The following CEP85 variants were observed in gnomAD, a reference collection of about 807,000 sequenced individuals.
The protein encoded by CEP85 is centrosomal protein of 85 kDa.
CEP85 carries 58 observed loss-of-function variants against 93.7 expected under a neutral mutation model. The observed-to-expected ratio is 0.62, with a 90% CI of 0.50 to 0.77. The LOEUF (loss-of-function observed/expected upper bound fraction) is 0.77. CEP85 is among the 30% of genes least tolerant of loss of function. The pLI, the probability that CEP85 is intolerant of heterozygous loss-of-function variation, is 0.00. For synonymous variants in CEP85, 314 were observed against 338.6 expected, an observed-to-expected ratio of 0.93 and a Z score of 0.80; for missense variants, 868 against 922.0, an observed-to-expected ratio of 0.94 and a Z score of 0.76.
intron 1 of CEP85, among the ~76,000 whole-genome samples, chr1:26,238,051 T>C (rs1294206088): frequency 6.6e-6 from 1 of 151,224 alleles, no homozygotes; most frequent in Non-Finnish European, 1.5e-5. Context: ...TAATAAGGGT[T>C]TGGGTTGTTA....
chr1:26,245,820 A>G (rs1334661995), intron 3 of CEP85, among the ~76,000 whole-genome samples: 1 of 152,140 alleles, frequency 6.6e-6, no homozygotes, highest in Non-Finnish European at 1.5e-5. Flanking sequence ...TGTCACTTTG[A>G]TAATCATATG....
In CEP85 at chr1:26,275,264, A is replaced by G. The variant is rs567576086; in HGVS notation, c.1902+193A>G. 2.2e-3 allele frequency among the ~76,000 whole-genome samples: 338 copies of G among 151,238 alleles called. 2 individuals are homozygous for G. Among genetic ancestry groups the G allele is most frequent in the African/African-American group, 7.1e-3 (292 of 41,064 alleles). ...ACCCTAAGCCTGTTTTAGCATGTCCATAATTATTACCTAGGAAGGTTTTTT... is the reference window on the plus strand; with the variant it reads ...ACCCTAAGCCTGTTTTAGCATGTCCGTAATTATTACCTAGGAAGGTTTTTT... On this transcript the variant is annotated intron_variant, in intron 12 of 13. Transcript: ENST00000451429.
chr1:26,256,691 C>G (rs1487597897), intron 4 of CEP85, among the ~76,000 whole-genome samples: 2 of 149,004 alleles, frequency 1.3e-5, no homozygotes, highest in African/African-American at 5.0e-5. Flanking sequence ...CTCTACCTCC[C>G]AAGGTCAAGT....
intron 7 of CEP85, among the ~76,000 whole-genome samples, chr1:26,267,817 T>G (rs2089914722): frequency 6.6e-6 from 1 of 152,188 alleles, no homozygotes; most frequent in African/African-American, 2.4e-5. Flanking sequence ...TAGATTAGGC[T>G]TAAAGCAGTT....
chr1:26,252,796 A>G (rs2089639488), intron 3 of CEP85, among the ~76,000 whole-genome samples: 1 of 152,108 alleles, frequency 6.6e-6, no homozygotes. Context: ...AGTATAGCAA[A>G]TTAGATACTA....
At chr1:26,263,094 C>A in intron 7 of CEP85, 1 of 172,018 alleles carries the variant, frequency 5.8e-6, no homozygotes. Context: ...AGGACAATCT[C>A]TTCATATTCT....
intron 6 of CEP85, among the ~76,000 whole-genome samples, chr1:26,258,975 G>T (rs1279070899): frequency 1.3e-5 from 2 of 152,126 alleles, no homozygotes; most frequent in Non-Finnish European, 2.9e-5. Flanking sequence ...TGGGGCTTTA[G>T]AGTTTGAAAA....
At position 26,271,125 on chromosome 1, in the gene CEP85, G is replaced by C; in HGVS notation, c.1743+18G>C. ...TCCAAAAGGTGACTGAGGGTGTCCA[G>C]GCTGTAACGGAGGGTAGGCTGGGAG... On this transcript the variant is annotated intron_variant, in intron 10 of 13. Coordinates refer to ENST00000451429, the MANE Select transcript of CEP85 (RefSeq NM_001319944.2). 2.0e-6 allele frequency: 3 copies of C among 1,491,470 alleles called. No individual in the cohort carries two copies. The highest frequency in any genetic ancestry group is 2.8e-6 in the Non-Finnish European group (3 of 1,068,190). The allele number at this position is 1,491,470 out of a possible 1,614,324, so 92.4% of individuals were successfully genotyped here.
chr1:26,272,541 C>G (rs540839829), intron 11 of CEP85: 1 of 156,206 alleles, frequency 6.4e-6, no homozygotes, highest in African/African-American at 2.4e-5. Context: ...CTGGGCATTC[C>G]AGGCTATGGA....
At chr1:26,267,864 G>T (rs144079878) in intron 7 of CEP85, among the ~76,000 whole-genome samples, 80 of 152,216 alleles carry the variant, frequency 5.3e-4, no homozygotes, top group African/African-American at 1.7e-3. Context: ...CTGAGTCATA[G>T]TATTGGCATA....
intron 3 of CEP85, among the ~76,000 whole-genome samples, chr1:26,252,191 A>G (rs767627692): frequency 2.0e-5 from 3 of 151,724 alleles, no homozygotes; most frequent in Admixed American, 6.6e-5. Context: ...AGATCGTGCC[A>G]CTGCACTCCA....
At chr1:26,264,259 G>A (rs1473526371) in intron 7 of CEP85, among the ~76,000 whole-genome samples, 2 of 152,198 alleles carry the variant, frequency 1.3e-5, no homozygotes, top group African/African-American at 2.4e-5. Context: ...CAGGCTGGGC[G>A]CGGTGGCTCA....
intron 11 of CEP85, among the ~76,000 whole-genome samples, chr1:26,273,387 C>T (rs571509969): frequency 9.9e-5 from 15 of 152,246 alleles, no homozygotes; most frequent in Middle Eastern, 3.4e-3. Context: ...GATTGGGCTA[C>T]GTCTATCTGG....
At chr1:26,251,316 A>G (rs1385421963) in intron 3 of CEP85, among the ~76,000 whole-genome samples, 1 of 145,206 alleles carries the variant, frequency 6.9e-6, no homozygotes, top group African/African-American at 2.6e-5. Context: ...CAATGGTGCA[A>G]TCTCGGCTCA....
intron 10 of CEP85, 85 bp from the exon 11 acceptor site, chr1:26,271,936 C>T (rs976199631): frequency 1.8e-6 from 2 of 1,136,064 alleles, no homozygotes; most frequent in African/African-American, 3.0e-5. Flanking sequence ...ATAGCCAGAC[C>T]ACATGTCCTA....
At chr1:26,239,990 G>T in intron 2 of CEP85, 152 bp downstream of exon 2, 1 of 644,204 alleles carries the variant, frequency 1.6e-6, no homozygotes, top group South Asian at 1.9e-5. Flanking sequence ...ATAAAAACAG[G>T]TCTCTGAGGG....
At chr1:26,260,526 A>G (rs997851628) in intron 7 of CEP85, among the ~76,000 whole-genome samples, 65 of 151,830 alleles carry the variant, frequency 4.3e-4, no homozygotes, top group Non-Finnish European at 1.0e-4. Context: ...TTCCATGTGC[A>G]CAGCTAGTTT....
At chr1:26,239,512 C>G (rs577612086) in intron 1 of CEP85, among the ~76,000 whole-genome samples, 2 of 151,592 alleles carry the variant, frequency 1.3e-5, no homozygotes, top group Non-Finnish European at 2.9e-5. Flanking sequence ...CCACCATGCC[C>G]GGCCAATTTT....
chr1:26,255,900 C>T (rs1170725562), intron 4 of CEP85, 35 bp downstream of exon 4: 1 of 1,511,896 alleles, frequency 6.6e-7, no homozygotes, highest in Non-Finnish European at 8.9e-7. Flanking sequence ...TTTCTAGGTT[C>T]TGTACAGTTC....
Sources: gnomAD v4.1 joint callset for allele counts (sites outside exome capture counted in the v4.1 genomes callset) on GRCh38, gnomAD v4.1.1 for gene constraint, MANE v1.5 for transcripts, NCBI Gene and HGNC (gene_info 2026-07-23, HGNC 2026-07-21) for gene names.